Variants in ALDH2 observed in about 807,000 individuals in gnomAD.
ALDH2 encodes aldehyde dehydrogenase 2 family member, also known as aldehyde dehydrogenase, mitochondrial.
Under a neutral mutation model 59.6 loss-of-function variants are expected in ALDH2, and 44 were observed. The ratio of observed to expected loss-of-function variants is 0.74; its 90% CI spans 0.58 to 0.95. The LOEUF is 0.95. Among genes scored for constraint, ALDH2 ranks in the 40% least tolerant of loss-of-function variants. ALDH2 has a pLI of 0.00. For missense variants in ALDH2, 570 were observed against 696.3 expected (o/e 0.82, Z 2.04); for synonymous variants, 291 against 284.0 (o/e 1.02, Z -0.25).
chr12:111,791,458 C>T, intron 7 of ALDH2, 39 bp downstream of exon 7: 1 of 1,458,286 alleles, frequency 6.9e-7, no homozygotes. Flanking sequence ...GCCTCCTTGG[C>T]CCAAGCTCCC....
At chr12:111,772,281 A>G (rs2068204830) in intron 1 of ALDH2, among the ~76,000 whole-genome samples, 1 of 152,172 alleles carries the variant, frequency 6.6e-6, no homozygotes, top group Admixed American at 6.5e-5. Flanking sequence ...GAATGAGCCA[A>G]AACCTGTGTT....
intron 1 of ALDH2, among the ~76,000 whole-genome samples, chr12:111,779,563 T>C (rs2068256864): frequency 6.6e-6 from 1 of 152,198 alleles, no homozygotes; most frequent in Admixed American, 6.5e-5. Context: ...CAGGCTTTGC[T>C]TGGCAGCTCG....
intron 10 of ALDH2, among the ~76,000 whole-genome samples, chr12:111,799,490 G>A (rs1009392263): frequency 6.8e-6 from 1 of 147,260 alleles, no homozygotes; most frequent in Non-Finnish European, 1.5e-5. Context: ...TTTTTTTTGA[G>A]TAAAGACAGG....
chr12:111,806,796 A>T lies in ALDH2; in HGVS notation c.1522-2747A>T, dbSNP rs1049380690. On this transcript the variant is annotated intron_variant, in intron 12 of 12. Coordinates refer to ENST00000261733, the MANE Select transcript of ALDH2 (RefSeq NM_000690.4). Reference sequence around the variant, plus strand: ...AGACCAGCCTGGTCAACATGGTGAAACCCCATCTCTACTAAAAATGCAAAA... The same window carrying T: ...AGACCAGCCTGGTCAACATGGTGAATCCCCATCTCTACTAAAAATGCAAAA... 2.6e-5 allele frequency among the ~76,000 whole-genome samples: 4 copies of T among 151,494 alleles called. No homozygotes were observed. The South Asian group carries it at 6.3e-4, about 24-fold the overall frequency.
At chr12:111,797,468 G>A (rs1480924197) in intron 9 of ALDH2, among the ~76,000 whole-genome samples, 1 of 152,112 alleles carries the variant, frequency 6.6e-6, no homozygotes, top group Admixed American at 6.6e-5. Flanking sequence ...CAGCGTAGGG[G>A]TGCATGCCTA....
intron 3 of ALDH2, among the ~76,000 whole-genome samples, chr12:111,783,921 G>T (rs2068291975): frequency 6.6e-6 from 1 of 152,068 alleles, no homozygotes; most frequent in Non-Finnish European, 1.5e-5. Context: ...CTCTCCCTCG[G>T]CCCCTCCATG....
At chr12:111,791,470 C>T (rs774511894) in intron 7 of ALDH2, 51 bp downstream of exon 7, 1 of 1,407,188 alleles carries the variant, frequency 7.1e-7, no homozygotes, top group Admixed American at 1.9e-5. Context: ...CAAGCTCCCC[C>T]TGTCCTCAGT....
At chr12:111,791,221 C>T (rs1436817403) in intron 6 of ALDH2, 85 bp from the exon 7 acceptor site, 10 of 1,024,262 alleles carry the variant, frequency 9.8e-6, no homozygotes, top group Non-Finnish European at 1.3e-5. Context: ...GTCCCACCCT[C>T]TCTGAGAAAG....
chr12:111,801,288 CGTGGGAATT>C (rs1366998305), intron 11 of ALDH2, among the ~76,000 whole-genome samples: 1 of 152,114 alleles, frequency 6.6e-6, no homozygotes. Flanking sequence ...TCCCACAACA[CGTGGGAATT>C]GTGGGAGCTA....
At chr12:111,781,517 A>G (rs887335807) in intron 1 of ALDH2, among the ~76,000 whole-genome samples, 2 of 152,164 alleles carry the variant, frequency 1.3e-5, no homozygotes, top group Admixed American at 6.6e-5. Context: ...GTGGATGACT[A>G]TTGGCCCCAG....
At chr12:111,777,899 G>T (rs758806709) in intron 1 of ALDH2, among the ~76,000 whole-genome samples, 1 of 152,130 alleles carries the variant, frequency 6.6e-6, no homozygotes, top group African/African-American at 2.4e-5. Context: ...AACCACACAA[G>T]CACGCCTCCA....
intron 3 of ALDH2, among the ~76,000 whole-genome samples, chr12:111,783,548 C>A (rs950334658): frequency 2.0e-5 from 3 of 152,114 alleles, no homozygotes; most frequent in Non-Finnish European, 4.4e-5. Context: ...CTCACTCTGT[C>A]GCCTAGGCTG....
In ALDH2 at chr12:111,792,093, C is replaced by T. The variant is rs1409232625; in HGVS notation, c.828C>T (p.Ser276=). The part of the protein sequence containing the change: ...IGRVIQVAAG[S]SNLKRVTLEL... ...GCGTAATCCAGGTTGCTGCTGGGAG[C>T]AGCAACCTCAAGAGAGTGACCTTGG... is the stretch of plus-strand genomic sequence containing the variant. The change falls in exon 8 of 13, where the codon AGC becomes AGT. Residue 276 remains serine, a synonymous_variant. Transcript: ENST00000261733. The T allele has an allele frequency of 1.2e-6, 2 of 1,610,986 alleles. No homozygotes were observed. The highest frequency in any genetic ancestry group is 2.2e-5 in the East Asian group (1 of 44,866).
At chr12:111,767,136 C>G (rs1229136135) in intron 1 of ALDH2, 40 bp downstream of exon 1, 22 of 1,419,836 alleles carry the variant, frequency 1.5e-5, no homozygotes, top group South Asian at 5.7e-5. Context: ...TTTTCCGGCC[C>G]GAGTCCCCCG....
chr12:111,780,085 G>T (rs1200127435), intron 1 of ALDH2, among the ~76,000 whole-genome samples: 1 of 152,084 alleles, frequency 6.6e-6, no homozygotes, highest in Non-Finnish European at 1.5e-5. Flanking sequence ...TAGAGATGGG[G>T]TTTCACCGTG....
At chr12:111,805,236 A>C (rs1057152033) in intron 12 of ALDH2, among the ~76,000 whole-genome samples, 5 of 152,132 alleles carry the variant, frequency 3.3e-5, no homozygotes, top group Non-Finnish European at 7.4e-5. Flanking sequence ...AGAAAGGAAA[A>C]ACTGGAGCGT....
chr12:111,780,508 C>T (rs2136012217), intron 1 of ALDH2, among the ~76,000 whole-genome samples: 1 of 152,332 alleles, frequency 6.6e-6, no homozygotes, highest in Admixed American at 6.5e-5. Flanking sequence ...GCCTGGACTG[C>T]TGGTCCTCCG....
At chr12:111,792,241 GC>G (rs879784974) in intron 8 of ALDH2, 78 bp downstream of exon 8, 34 of 1,141,310 alleles carry the variant, frequency 3.0e-5, no homozygotes, top group South Asian at 4.1e-5. Flanking sequence ...CGATCCTGTC[GC>G]CCCCCCAGTG....
At chr12:111,798,426 C>T (rs765883639) in intron 10 of ALDH2, among the ~76,000 whole-genome samples, 184 bp downstream of exon 10, 1 of 152,148 alleles carries the variant, frequency 6.6e-6, no homozygotes, top group Non-Finnish European at 1.5e-5. Context: ...TCCTCTTCAG[C>T]TTGTACCCTC....
Sources: gnomAD v4.1 joint callset for allele counts (sites outside exome capture counted in the v4.1 genomes callset) on GRCh38, gnomAD v4.1.1 for gene constraint, MANE v1.5 for transcripts, NCBI Gene and HGNC (gene_info 2026-07-23, HGNC 2026-07-21) for gene names.